PIP5K1A: variants seen among roughly 807,000 people sequenced by gnomAD.
PIP5K1A encodes the protein phosphatidylinositol-4-phosphate 5-kinase type 1 alpha.
A neutral mutation model predicts 72.9 loss-of-function variants in PIP5K1A; 46 were observed. The observed-to-expected ratio is 0.63, with a 90% CI of 0.50 to 0.81. The LOEUF is 0.81. Ranked by LOEUF, PIP5K1A falls within the 30% of genes least tolerant of loss-of-function variation. The pLI is 0.00. For synonymous variants in PIP5K1A, 228 were observed against 255.1 expected (o/e 0.89, Z 1.01); for missense variants, 458 against 706.1 (o/e 0.65, Z 3.98).
At chr1:151,216,105 T>G in intron 1 of PIP5K1A, 1 of 569,012 alleles carries the variant, frequency 1.8e-6, no homozygotes, top group Non-Finnish European at 3.1e-6. Context: ...TCCCAGCACC[T>G]TGGGAGGCCG....
At chr1:151,231,883 C>T (rs1028490547) in intron 5 of PIP5K1A, 82 bp downstream of exon 5, 7 of 1,321,748 alleles carry the variant, frequency 5.3e-6, no homozygotes, top group Admixed American at 3.5e-5. Flanking sequence ...GGGTTCAGGT[C>T]GGACAATTTA....
intron 1 of PIP5K1A, among the ~76,000 whole-genome samples, chr1:151,205,594 G>A (rs1685820161): frequency 6.6e-6 from 1 of 151,924 alleles, no homozygotes; most frequent in East Asian, 2.0e-4. Context: ...ATCACCTGAG[G>A]TCAGGAGTTC....
chr1:151,198,877 C>T lies in PIP5K1A; in HGVS notation c.-120C>T, dbSNP rs182830202. ...TGTCTGAGGGAGGCCCCGGAGGGGG[C>T]GGGGAGGTGGCCCACAGAACGCGGG... is the stretch of plus-strand genomic sequence containing the variant. On this transcript the variant is annotated 5_prime_UTR_variant, in exon 1 of 16. Transcript: ENST00000368888. The T allele has an allele frequency of 0.026, 24,101 of 940,408 alleles. 429 individuals carry two copies. Among genetic ancestry groups the T allele is most frequent in the Non-Finnish European group, 0.033 (19,702 of 597,882 alleles). 58.3% of individuals were successfully genotyped at this position (940,408 alleles called of 1,614,324 possible).
chr1:151,230,813 T>C (rs587660540), intron 4 of PIP5K1A, among the ~76,000 whole-genome samples: 1 of 152,322 alleles, frequency 6.6e-6, no homozygotes, highest in African/African-American at 2.4e-5. Flanking sequence ...GTGCTTGGAT[T>C]AGAGGCGTGA....
chr1:151,235,858 C>T (rs1377406606), intron 8 of PIP5K1A, among the ~76,000 whole-genome samples: 2 of 152,212 alleles, frequency 1.3e-5, no homozygotes, highest in East Asian at 3.8e-4. Flanking sequence ...CGTGGTGGCT[C>T]ACGCCTGTAA....
intron 8 of PIP5K1A, among the ~76,000 whole-genome samples, chr1:151,234,848 A>G (rs1160414467): frequency 2.0e-5 from 3 of 152,214 alleles, no homozygotes; most frequent in Non-Finnish European, 4.4e-5. Context: ...ACAACCGTGT[A>G]TACTGGCATC....
intron 7 of PIP5K1A, 37 bp downstream of exon 7, chr1:151,232,740 C>G (rs765332962): frequency 6.3e-7 from 1 of 1,585,802 alleles, no homozygotes. Flanking sequence ...CTGTGCTGCT[C>G]ACTTCTGGGC....
intron 1 of PIP5K1A, among the ~76,000 whole-genome samples, chr1:151,209,698 CAA>C (rs1323159103): frequency 6.6e-6 from 1 of 151,860 alleles, no homozygotes; most frequent in Non-Finnish European, 1.5e-5. Context: ...CTCAGCCTCC[CAA>C]AGTGCTGGGA....
upstream of PIP5K1A, among the ~76,000 whole-genome samples, chr1:151,197,345 C>A (rs1033411123): frequency 2.0e-5 from 3 of 152,220 alleles, no homozygotes; most frequent in Admixed American, 2.0e-4. Flanking sequence ...GTGGCGCGAT[C>A]TCCGCTCACT....
Position 151,212,133 on chromosome 1 carries a change from T to C in PIP5K1A, c.86-12112T>C, listed in dbSNP as rs79783469. On this transcript the variant is annotated intron_variant, in intron 1 of 15. Transcript: ENST00000368888. ...TCTCAAAAAAAAAAAAAGATTTTGT[T>C]TACATTATCTCTTCAAGTTATCTCT... 2.2e-3 allele frequency among the ~76,000 whole-genome samples: 333 copies of C among 151,878 alleles called. 1 individual carries two copies. The highest frequency in any genetic ancestry group is 7.7e-3 in the African/African-American group (320 of 41,462).
intron 9 of PIP5K1A, 62 bp downstream of exon 9, chr1:151,236,825 T>C (rs1690947928): frequency 1.0e-6 from 1 of 998,942 alleles, no homozygotes; most frequent in Non-Finnish European, 1.4e-6. Context: ...TCTTTTCTTT[T>C]TTTTTTTTTT....
chr1:151,234,878 A>C (rs587760487), intron 8 of PIP5K1A, among the ~76,000 whole-genome samples: 1 of 152,072 alleles, frequency 6.6e-6, no homozygotes, highest in African/African-American at 2.4e-5. Context: ...ATGATATCCA[A>C]CCCCACTTGG....
chr1:151,199,187 G>C, intron 1 of PIP5K1A, 106 bp downstream of exon 1: 8 of 1,578,104 alleles, frequency 5.1e-6, no homozygotes, highest in Non-Finnish European at 6.9e-6. Flanking sequence ...ACGTGTTACC[G>C]GTAAGTGGGC....
intron 10 of PIP5K1A, 150 bp downstream of exon 10, chr1:151,238,415 T>G (rs977286381): frequency 1.6e-6 from 1 of 625,294 alleles, no homozygotes; most frequent in African/African-American, 1.8e-5. Flanking sequence ...TTCAGATGGT[T>G]TATTTCCTTG....
At chr1:151,201,253 C>T (rs1685181689) in intron 1 of PIP5K1A, among the ~76,000 whole-genome samples, 1 of 152,148 alleles carries the variant, frequency 6.6e-6, no homozygotes, top group African/African-American at 2.4e-5. Context: ...ACTATTAAGT[C>T]AGGTGTTTGC....
At chr1:151,199,574 A>G (rs587633270) in intron 1 of PIP5K1A, among the ~76,000 whole-genome samples, 1 of 151,698 alleles carries the variant, frequency 6.6e-6, no homozygotes, top group Non-Finnish European at 1.5e-5. Context: ...AGATTGGGCC[A>G]CTGCTCTCCA....
At position 151,224,402 on chromosome 1, in the gene PIP5K1A, C is replaced by T. The variant is rs1462540188; in HGVS notation, c.152C>T (p.Ser51Leu). ...GAAGCTAGACAGGATTCTTACATCT[C>T]ATTGGTAGGCTAGAAATTATGCAAC... ...VLEARQDSYISLVPYASGMPI... is the reference protein window; with the variant it reads ...VLEARQDSYILLVPYASGMPI... Residue 51 changes from serine to leucine, a missense_variant, in exon 3 of 16, where the codon TCA becomes TTA. Ser to Leu is a moderately radical substitution (Grantham distance 145, BLOSUM62 -2). Transcript: ENST00000368888. The T allele has an allele frequency of 2.5e-6, 4 of 1,591,176 alleles. No individual in the cohort carries two copies. The highest frequency in any genetic ancestry group is 3.4e-6 in the Non-Finnish European group (4 of 1,160,020).
intron 3 of PIP5K1A, 52 bp from the exon 4 acceptor site, chr1:151,227,268 C>T (rs1277332802): frequency 5.9e-6 from 6 of 1,016,394 alleles, no homozygotes; most frequent in African/African-American, 3.2e-5. Context: ...ATTGTGGTAG[C>T]TATTTGGTGT....
intron 1 of PIP5K1A, among the ~76,000 whole-genome samples, chr1:151,214,674 C>G (rs989271725): frequency 1.3e-5 from 2 of 151,920 alleles, no homozygotes; most frequent in South Asian, 2.1e-4. Flanking sequence ...AGCCACAGCA[C>G]CTGGCCGGCT....
Sources: gnomAD v4.1 joint callset for allele counts (sites outside exome capture counted in the v4.1 genomes callset) on GRCh38, gnomAD v4.1.1 for gene constraint, MANE v1.5 for transcripts, NCBI Gene and HGNC (gene_info 2026-07-23, HGNC 2026-07-21) for gene names.